CEP85L: variants seen among roughly 807,000 people sequenced by gnomAD.
CEP85L encodes centrosomal protein of 85 kDa-like.
A neutral mutation model predicts 100.3 loss-of-function variants in CEP85L; 60 were observed. The observed-to-expected ratio is 0.60, with a 90% confidence interval of 0.49 to 0.74. The LOEUF is 0.74. CEP85L is among the 30% of genes least tolerant of loss of function. CEP85L has a pLI of 0.00. For missense variants in CEP85L, 973 were observed against 936.2 expected, an observed-to-expected ratio of 1.04 and a Z score of -0.51; for synonymous variants, 319 against 322.7, an observed-to-expected ratio of 0.99 and a Z score of 0.12.
In CEP85L at chr6:118,483,785, T is replaced by A; in HGVS notation, c.1511A>T (p.Lys504Met). The stretch of plus-strand genomic sequence containing the variant: ...TTCCAAGGTCTCAATTCTTCTCTGC[T>A]TTTCTTTGTTTTGTTCAGATTCCTT... ...CQKESEQNKE[K>M]QRRIETLEKY... The change falls in exon 7 of 13, where the codon AAG becomes ATG. Residue 504 changes from lysine (K) to methionine (M), a missense_variant. By Grantham distance (95) the Lys-to-Met change is moderately conservative. This residue lies in a region of CEP85L where 890 missense variants were observed against 844.5 expected (regional missense o/e 1.05). Transcript: ENST00000368491. 1 of 1,613,918 alleles carries A rather than the reference T, an allele frequency of 6.2e-7. No individual in the cohort carries two copies. Among genetic ancestry groups the A allele is most frequent in the Non-Finnish European group, 8.5e-7 (1 of 1,179,862 alleles).
chr6:118,669,068 A>G (rs1206015628), intron 1 of CEP85L, among the ~76,000 whole-genome samples: 3 of 152,246 alleles, frequency 2.0e-5, no homozygotes, highest in Non-Finnish European at 4.4e-5. Flanking sequence ...TATGTTAGCA[A>G]TAAGTGTCTC....
Position 118,681,929 on chromosome 6 carries a change from C to T in CEP85L, c.-28+28107G>A, listed in dbSNP as rs1008855631. On this transcript the variant is annotated intron_variant, in intron 1 of 13. Coordinates refer to the CEP85L transcript ENST00000368488. Reference sequence around the variant, plus strand: ...AATTTTTTTGTATTTTTAGTAGAGACGGGGTTTCGCCATGTTGCCAGGCTG... The same window carrying T: ...AATTTTTTTGTATTTTTAGTAGAGATGGGGTTTCGCCATGTTGCCAGGCTG... 4.6e-5 allele frequency among the ~76,000 whole-genome samples: 7 copies of T among 151,868 alleles called. No homozygotes were observed. The South Asian group carries it at 6.2e-4, about 14-fold the overall frequency.
At chr6:118,524,713 A>C (rs1776865123) in intron 3 of CEP85L, among the ~76,000 whole-genome samples, 1 of 152,270 alleles carries the variant, frequency 6.6e-6, no homozygotes, top group Non-Finnish European at 1.5e-5. Context: ...TTCACTCAGT[A>C]GTGAGACAAC....
intron 1 of CEP85L, among the ~76,000 whole-genome samples, chr6:118,670,776 T>G (rs1298236808): frequency 6.6e-6 from 1 of 152,212 alleles, no homozygotes; most frequent in East Asian, 1.9e-4. Flanking sequence ...TTTTCATATA[T>G]TCTATCCAAC....
chr6:118,468,437 C>T (rs1473087397), intron 12 of CEP85L, among the ~76,000 whole-genome samples: 1 of 152,134 alleles, frequency 6.6e-6, no homozygotes, highest in Non-Finnish European at 1.5e-5. Context: ...TTTGGAACCA[C>T]GTACAGAGAT....
intron 2 of CEP85L, among the ~76,000 whole-genome samples, chr6:118,573,413 A>G (rs1199171350): frequency 6.6e-6 from 1 of 152,232 alleles, no homozygotes; most frequent in African/African-American, 2.4e-5. Context: ...AAGAACTGCT[A>G]AAGTTCCTTG....
At chr6:118,652,702 C>T (rs1252234523), upstream of CEP85L, 2 of 1,538,898 alleles carry the variant, frequency 1.3e-6, no homozygotes, top group Admixed American at 2.0e-5. Context: ...TCACTTACCA[C>T]ATCCGTGTTG....
chr6:118,470,341 T>C (rs907303609), intron 11 of CEP85L, among the ~76,000 whole-genome samples, 196 bp downstream of exon 11: 1 of 152,128 alleles, frequency 6.6e-6, no homozygotes, highest in Non-Finnish European at 1.5e-5. Context: ...ACTATAATTA[T>C]GTGAAACTGT....
At chr6:118,479,640 G>A (rs967337501) in intron 10 of CEP85L, among the ~76,000 whole-genome samples, 3 of 152,126 alleles carry the variant, frequency 2.0e-5, no homozygotes, top group African/African-American at 7.2e-5. Context: ...CCCCACTAGA[G>A]TGGCCAGGGA....
At chr6:118,477,159 A>G (rs1773446415) in intron 10 of CEP85L, among the ~76,000 whole-genome samples, 1 of 152,318 alleles carries the variant, frequency 6.6e-6, no homozygotes, top group South Asian at 2.1e-4. Context: ...ATGGATATAA[A>G]TAAGGGCGAC....
chr6:118,566,743 T>G (rs1305352417), intron 2 of CEP85L, among the ~76,000 whole-genome samples: 4 of 152,190 alleles, frequency 2.6e-5, no homozygotes, highest in African/African-American at 9.6e-5. Context: ...CAAAAAGACG[T>G]CCTCAAAATG....
At chr6:118,524,799 C>T (rs1582976217) in intron 3 of CEP85L, among the ~76,000 whole-genome samples, 1 of 152,218 alleles carries the variant, frequency 6.6e-6, no homozygotes, top group Non-Finnish European at 1.5e-5. Context: ...TGCTTCTGTG[C>T]AGATGAGGAA....
At chr6:118,617,244 C>G (rs1294140111) in intron 2 of CEP85L, among the ~76,000 whole-genome samples, 1 of 152,002 alleles carries the variant, frequency 6.6e-6, no homozygotes, top group Non-Finnish European at 1.5e-5. Context: ...ATTCCTAACA[C>G]CAGGATTTAC....
At chr6:118,624,764 T>C (rs1407220186) in intron 2 of CEP85L, among the ~76,000 whole-genome samples, 2 of 152,172 alleles carry the variant, frequency 1.3e-5, no homozygotes, top group Non-Finnish European at 2.9e-5. Context: ...ATTACACCCA[T>C]GTGGGTATAA....
intron 3 of CEP85L, among the ~76,000 whole-genome samples, chr6:118,536,117 A>G (rs1777575060): frequency 6.6e-6 from 1 of 152,156 alleles, no homozygotes; most frequent in Non-Finnish European, 1.5e-5. Flanking sequence ...TAACAAAGGA[A>G]TAGATAATTA....
At chr6:118,709,577 G>A (rs937602150) in intron 1 of CEP85L, among the ~76,000 whole-genome samples, 5 of 151,886 alleles carry the variant, frequency 3.3e-5, no homozygotes, top group Middle Eastern at 3.4e-3. Context: ...GAGAGAGAGA[G>A]AGAGAGCGCT....
chr6:118,690,871 C>T (rs887938778), intron 1 of CEP85L, among the ~76,000 whole-genome samples: 14 of 152,002 alleles, frequency 9.2e-5, no homozygotes, highest in Non-Finnish European at 1.6e-4. Context: ...AGTGGTGACT[C>T]TCTGTGGTCC....
At chr6:118,465,700 G>A (rs1397961367) in intron 12 of CEP85L, 132 bp from the exon 13 acceptor site, 2 of 734,034 alleles carry the variant, frequency 2.7e-6, no homozygotes, top group South Asian at 3.9e-5. Flanking sequence ...TTCAAGTTAT[G>A]TTTAAATCAT....
chr6:118,690,018 T>C (rs769543690), intron 1 of CEP85L, among the ~76,000 whole-genome samples: 4 of 151,560 alleles, frequency 2.6e-5, no homozygotes, highest in Non-Finnish European at 5.9e-5. Flanking sequence ...TGTGCCAAAA[T>C]GCTGGATTAC....
Sources: allele counts gnomAD v4.1 joint callset (sites outside exome capture counted in the v4.1 genomes callset), GRCh38; gene constraint gnomAD v4.1.1; regional missense constraint gnomAD v4.1.1; transcripts MANE v1.5; gene names NCBI Gene and HGNC (gene_info 2026-07-23, HGNC 2026-07-21).